EPYC: variants seen among roughly 807,000 people sequenced by gnomAD.
EPYC encodes the protein dermatan sulfate proteoglycan 3.
In EPYC, 28 loss-of-function variants were observed where a neutral mutation model predicts 30.1. The ratio of observed to expected loss-of-function variants is 0.93; its 90% CI spans 0.69 to 1.28. The LOEUF is 1.28. EPYC is among the 50% of genes most tolerant of loss of function. The pLI is 0.00. For synonymous variants in EPYC, 144 were observed against 141.4 expected, an observed-to-expected ratio of 1.02 and a Z score of -0.13; for missense variants, 382 against 383.5, an observed-to-expected ratio of 1.00 and a Z score of 0.03.
chr12:90,979,381 A>C (rs1877272057), intron 2 of EPYC, among the ~76,000 whole-genome samples: 1 of 152,172 alleles, frequency 6.6e-6, no homozygotes, highest in Non-Finnish European at 1.5e-5. Context: ...AAAGTAAAGA[A>C]ACACATAAAT....
intron 2 of EPYC, among the ~76,000 whole-genome samples, chr12:90,998,333 T>A (rs1008190999): frequency 2.6e-5 from 4 of 152,092 alleles, no homozygotes; most frequent in African/African-American, 9.7e-5. Context: ...CACCAATAAA[T>A]GTACTTACTG....
intron 1 of EPYC, among the ~76,000 whole-genome samples, chr12:91,004,409 A>T (rs1243785459): frequency 2.6e-5 from 4 of 152,070 alleles, no homozygotes; most frequent in African/African-American, 9.7e-5. Flanking sequence ...AAGTAATTGT[A>T]TTAGCATTTA....
intron 3 of EPYC, 147 bp from the exon 4 acceptor site, chr12:90,973,127 T>C (rs1877096241): frequency 4.4e-6 from 2 of 454,420 alleles, no homozygotes; most frequent in Non-Finnish European, 7.5e-6. Context: ...AAATAGAATA[T>C]TCAAGTCAAG....
At chr12:90,974,411 A>G (rs543590680) in intron 3 of EPYC, among the ~76,000 whole-genome samples, 75 of 152,244 alleles carry the variant, frequency 4.9e-4, no homozygotes, top group Non-Finnish European at 9.7e-4. Flanking sequence ...AGTTGCCACA[A>G]ATGTTGAAAA....
intron 3 of EPYC, among the ~76,000 whole-genome samples, chr12:90,976,471 A>G (rs1276862990): frequency 1.3e-5 from 2 of 152,116 alleles, no homozygotes; most frequent in Non-Finnish European, 2.9e-5. Flanking sequence ...GCACAGTAAT[A>G]TTGAATGCCT....
At chr12:90,987,109 A>G (rs1402522600) in intron 2 of EPYC, among the ~76,000 whole-genome samples, 2 of 152,152 alleles carry the variant, frequency 1.3e-5, no homozygotes, top group East Asian at 1.9e-4. Context: ...CAGGAATATC[A>G]CCATCTTGGA....
rs1016202421 is a variant in EPYC, at chr12:90,972,817, C to T, written c.499+5G>A. 1.2e-6 allele frequency: 2 copies of T among 1,612,306 alleles called. No individual in the cohort carries two copies. Among genetic ancestry groups the T allele is most frequent in the Non-Finnish European group, 1.7e-6 (2 of 1,178,922 alleles). ...GGTGAAGGCCGTTAATGCTGTCATC[C>T]ATACTTAGGCTTGCAAAGTCATTTT... On this transcript the variant is annotated splice_donor_5th_base_variant and intron_variant, in intron 4 of 6. Transcript: ENST00000261172.
At chr12:90,996,494 A>G (rs1246703245) in intron 2 of EPYC, among the ~76,000 whole-genome samples, 1 of 151,958 alleles carries the variant, frequency 6.6e-6, no homozygotes, top group Admixed American at 6.6e-5. Flanking sequence ...TATAATAAAG[A>G]CAAATAAAAA....
intron 6 of EPYC, among the ~76,000 whole-genome samples, chr12:90,968,683 T>C (rs1435258269): frequency 6.6e-6 from 1 of 152,152 alleles, no homozygotes; most frequent in Admixed American, 6.5e-5. Flanking sequence ...ATATTATATA[T>C]ACAAACTAAT....
At chr12:90,991,006 T>C (rs1470578174) in intron 2 of EPYC, among the ~76,000 whole-genome samples, 4 of 152,132 alleles carry the variant, frequency 2.6e-5, no homozygotes, top group African/African-American at 9.7e-5. Context: ...TTAATTTCTT[T>C]CAATTTTATG....
Position 90,969,584 on chromosome 12 carries a change from C to T in EPYC, c.798+460G>A, listed in dbSNP as rs567585158. On this transcript the variant is annotated intron_variant, in intron 6 of 6. Coordinates refer to ENST00000261172, the MANE Select transcript of EPYC (RefSeq NM_004950.5). ...AGATGGAGCTTGCCATCTCTCAGCA[C>T]ATAGGAATGCCTTAGGACTGAATTT... 7.4e-5 allele frequency among the ~76,000 whole-genome samples: 11 copies of T among 149,080 alleles called. No homozygotes were observed. The East Asian group carries it at 1.8e-3, about 24-fold the overall frequency.
intron 3 of EPYC, 43 bp from the exon 4 acceptor site, chr12:90,973,023 C>A: frequency 5.2e-6 from 7 of 1,355,894 alleles, no homozygotes; most frequent in South Asian, 1.4e-5. Flanking sequence ...AGTACCAAAT[C>A]AATTTCTAAG....
intron 2 of EPYC, among the ~76,000 whole-genome samples, chr12:90,995,937 G>A (rs960175298): frequency 2.0e-5 from 3 of 151,626 alleles, no homozygotes; most frequent in African/African-American, 4.8e-5. Context: ...TATTTTTCAC[G>A]TACTCTGGAA....
intron 3 of EPYC, among the ~76,000 whole-genome samples, chr12:90,973,770 C>T (rs901359051): frequency 6.6e-6 from 1 of 152,238 alleles, no homozygotes; most frequent in African/African-American, 2.4e-5. Flanking sequence ...TGGGACATAA[C>T]ATGCAGGGGC....
At chr12:91,001,266 T>C (rs992031992) in intron 2 of EPYC, among the ~76,000 whole-genome samples, 5 of 152,142 alleles carry the variant, frequency 3.3e-5, no homozygotes, top group Non-Finnish European at 7.4e-5. Context: ...TTAGTAAAGA[T>C]ATATCTAAGT....
At chr12:90,969,458 A>G (rs975071365) in intron 6 of EPYC, among the ~76,000 whole-genome samples, 4 of 152,098 alleles carry the variant, frequency 2.6e-5, no homozygotes, top group African/African-American at 9.6e-5. Context: ...ATCAAACTGA[A>G]TACTTCAAAG....
In EPYC at chr12:91,002,443, A is replaced by G; in HGVS notation, c.123T>C (p.Asp41=). Residue 41 remains aspartate, a synonymous_variant, in exon 2 of 7, where the codon GAT becomes GAC. Coordinates refer to ENST00000261172, the MANE Select transcript of EPYC (RefSeq NM_004950.5). ...ETYDATLEDL[D]NLYNYENIPV... Reference sequence around the variant, plus strand: ...GTATGTTTTCATAGTTGTACAAATTATCCAGGTCTTCTAAGGTGGCATCAT... The same window carrying G: ...GTATGTTTTCATAGTTGTACAAATTGTCCAGGTCTTCTAAGGTGGCATCAT... 3.1e-6 allele frequency: 5 copies of G among 1,613,268 alleles called. No homozygotes were observed. The highest frequency in any genetic ancestry group is 4.2e-6 in the Non-Finnish European group (5 of 1,179,568).
At chr12:90,987,896 C>T (rs1877490710) in intron 2 of EPYC, among the ~76,000 whole-genome samples, 1 of 152,076 alleles carries the variant, frequency 6.6e-6, no homozygotes, top group Non-Finnish European at 1.5e-5. Context: ...TTTTCTTTCT[C>T]TATAGCCTCT....
chr12:91,004,876 A>G lies in EPYC; in HGVS notation c.-14+71T>C, dbSNP rs551820194. On this transcript the variant is annotated intron_variant, in intron 1 of 6. Transcript: ENST00000261172. ...ACCAGATGACATTAAGGCAAGTTAA[A>G]TTATTTTTTAAAGGTTGTTATAGTA... 4 of 152,256 alleles carry G rather than the reference A, an allele frequency of 2.6e-5. No homozygotes were observed. In the South Asian group the frequency reaches 8.3e-4, roughly 32 times the overall value. The allele number at this position is 152,256 out of a possible 1,614,324, so 9.4% of individuals were successfully genotyped here.
Sources: gnomAD v4.1 joint callset for allele counts (sites outside exome capture counted in the v4.1 genomes callset) on GRCh38, gnomAD v4.1.1 for gene constraint, MANE v1.5 for transcripts, NCBI Gene and HGNC (gene_info 2026-07-23, HGNC 2026-07-21) for gene names.